Variants in ALX1 observed in about 807,000 individuals in gnomAD.
ALX1 encodes ALX homeobox 1, also known as ALX homeobox protein 1.
ALX1 carries 19 observed loss-of-function variants against 31.7 expected under a neutral mutation model. The observed-to-expected ratio is 0.60, with a 90% CI of 0.42 to 0.88. The LOEUF is 0.88. Among genes scored for constraint, ALX1 ranks in the 40% least tolerant of loss-of-function variants. ALX1 has a pLI of 0.00. For synonymous variants in ALX1, 153 were observed against 148.8 expected (o/e 1.03, Z -0.20); for missense variants, 415 against 407.8 (o/e 1.02, Z -0.15).
Position 85,280,486 on chromosome 12 carries a change from C to G in ALX1, c.225C>G (p.Ser75Arg), listed in dbSNP as rs778019022. 1 of 1,610,166 alleles carries G rather than the reference C, an allele frequency of 6.2e-7. No homozygotes were observed. The highest frequency in any genetic ancestry group is 1.3e-5 in the African/African-American group (1 of 74,802). The change falls in exon 1 of 4, where the codon AGC becomes AGG. Residue 75 changes from serine (S) to arginine (R), a missense_variant and splice_region_variant. Physicochemically the swap from Ser to Arg is moderately radical, Grantham distance 110. Around this residue, in one of 3 missense-constraint regions of ALX1, gnomAD observed 235 missense variants for 208.9 expected, o/e 1.13. Coordinates refer to ENST00000316824, the MANE Select transcript of ALX1 (RefSeq NM_006982.3). ...LERTSPCQDSSVNYGITKVEG... is the reference protein window; with the variant it reads ...LERTSPCQDSRVNYGITKVEG... ...GGACCTCGCCCTGTCAGGACAGCAG[C>G]GGTGAGTCGCTAGCGCCCCAGCCGG...
intron 3 of ALX1, among the ~76,000 whole-genome samples, chr12:85,290,106 A>G (rs1280098839): frequency 1.3e-5 from 2 of 151,266 alleles, no homozygotes; most frequent in African/African-American, 4.8e-5. Context: ...AGTTTAGAAA[A>G]TGATCTCCTC....
chr12:85,301,422 G>T lies in ALX1; in HGVS notation c.928G>T (p.Val310Phe). ...EFERRSSSIA[V>F]LRMKAKEHTA... ...TGAAAGGAGGTCTTCCAGTATCGCA[G>T]TTCTTCGAATGAAAGCCAAGGAGCA... The change falls in exon 4 of 4, where the codon GTT (valine) becomes TTT (phenylalanine). Residue 310 changes from valine to phenylalanine, a missense_variant. By Grantham distance (50) the Val-to-Phe change is conservative. Transcript: ENST00000316824. 1.2e-6 allele frequency: 2 copies of T among 1,614,080 alleles called. No homozygotes were observed.
At chr12:85,297,075 A>G (rs1263547983) in intron 3 of ALX1, among the ~76,000 whole-genome samples, 1 of 151,708 alleles carries the variant, frequency 6.6e-6, no homozygotes, top group Non-Finnish European at 1.5e-5. Context: ...TTTAAAAATT[A>G]CTGCCTATAT....
At chr12:85,300,321 C>T (rs1167029481) in intron 3 of ALX1, among the ~76,000 whole-genome samples, 1 of 151,826 alleles carries the variant, frequency 6.6e-6, no homozygotes, top group Non-Finnish European at 1.5e-5. Context: ...GTGTGAATAT[C>T]TCGGGTGTGA....
chr12:85,280,921 C>T (rs1250200316), intron 1 of ALX1, among the ~76,000 whole-genome samples: 7 of 146,394 alleles, frequency 4.8e-5, no homozygotes, highest in Non-Finnish European at 8.9e-5. Flanking sequence ...ACTGTCGTCA[C>T]GAGTAGGGAA....
At chr12:85,286,782 T>C (rs1896753995) in intron 2 of ALX1, 71 bp from the exon 3 acceptor site, 6 of 1,342,100 alleles carry the variant, frequency 4.5e-6, no homozygotes, top group Admixed American at 2.3e-5. Context: ...TCTTGTTTGA[T>C]GTCTTTTAAC....
intron 2 of ALX1, among the ~76,000 whole-genome samples, chr12:85,284,537 A>T (rs1373672927): frequency 6.6e-6 from 1 of 152,150 alleles, no homozygotes; most frequent in East Asian, 1.9e-4. Flanking sequence ...CAATAAAAAT[A>T]ATGGCTTTAA....
chr12:85,300,772 G>T (rs1217274365), intron 3 of ALX1, among the ~76,000 whole-genome samples: 2 of 151,906 alleles, frequency 1.3e-5, no homozygotes, highest in Non-Finnish European at 2.9e-5. Flanking sequence ...GTGTCATTTT[G>T]TTTAGAAAGA....
chr12:85,293,301 A>C (rs1896843662), intron 3 of ALX1, among the ~76,000 whole-genome samples: 1 of 150,124 alleles, frequency 6.7e-6, no homozygotes, highest in African/African-American at 2.4e-5. Context: ...GCATGAGACA[A>C]TTTTTGTCAG....
chr12:85,281,481 A>G (rs372582944), intron 1 of ALX1, among the ~76,000 whole-genome samples: 5 of 152,194 alleles, frequency 3.3e-5, no homozygotes, highest in African/African-American at 1.2e-4. Context: ...ATTAAGTGTG[A>G]AATATTTACA....
rs183710872 is a variant in ALX1, at chr12:85,298,137, A to G, written c.661-3018A>G. 2.8e-3 allele frequency among the ~76,000 whole-genome samples: 422 copies of G among 151,768 alleles called. 3 individuals are homozygous for G. Among genetic ancestry groups the G allele is most frequent in the Non-Finnish European group, 2.7e-3 (180 of 67,736 alleles). On this transcript the variant is annotated intron_variant, in intron 3 of 3. Coordinates refer to ENST00000316824, the MANE Select transcript of ALX1 (RefSeq NM_006982.3). ...CAAAGTAGGGATAATGAGTAAATAA[A>G]TAATTTCAACTCATAAAACTAGTCA...
At chr12:85,284,513 G>T (rs1328433571) in intron 2 of ALX1, among the ~76,000 whole-genome samples, 2 of 151,998 alleles carry the variant, frequency 1.3e-5, no homozygotes, top group Non-Finnish European at 2.9e-5. Context: ...TAAATCATAT[G>T]AATTTTGCAT....
At chr12:85,287,698 A>G (rs2137381289) in intron 3 of ALX1, among the ~76,000 whole-genome samples, 1 of 151,470 alleles carries the variant, frequency 6.6e-6, no homozygotes, top group South Asian at 2.1e-4. Flanking sequence ...TTTGTAATGA[A>G]TGTAAATGTT....
intron 3 of ALX1, among the ~76,000 whole-genome samples, chr12:85,291,664 G>C (rs1362090454): frequency 4.0e-5 from 6 of 150,972 alleles, no homozygotes; most frequent in Non-Finnish European, 8.9e-5. Flanking sequence ...ACTTTGACTT[G>C]ATCTTCAGAT....
chr12:85,287,442 T>C (rs922722379), intron 3 of ALX1, among the ~76,000 whole-genome samples: 26 of 150,070 alleles, frequency 1.7e-4, no homozygotes, highest in African/African-American at 5.4e-4. Context: ...AAAATGTGTC[T>C]CTTTTTCTAT....
intron 3 of ALX1, among the ~76,000 whole-genome samples, chr12:85,289,822 CAAG>C (rs2137383829): frequency 6.6e-6 from 1 of 151,044 alleles, no homozygotes; most frequent in East Asian, 1.9e-4. Flanking sequence ...ATAATTGGGC[CAAG>C]ATCATGTCTC....
chr12:85,287,013 A>T (rs1396246167), intron 3 of ALX1, 32 bp downstream of exon 3: 1 of 1,609,520 alleles, frequency 6.2e-7, no homozygotes, highest in Non-Finnish European at 8.5e-7. Context: ...ACTGATCAAG[A>T]AAAGGATATT....
chr12:85,301,423 T>A lies in ALX1; in HGVS notation c.929T>A (p.Val310Asp). Residue 310 changes from valine (V) to aspartate (D), a missense_variant, in exon 4 of 4, where the codon GTT (valine) becomes GAT (aspartate). Physicochemically the swap from Val to Asp is radical, Grantham distance 152 (BLOSUM62 -3). Transcript: ENST00000316824. ...EFERRSSSIA[V>D]LRMKAKEHTA... ...GAAAGGAGGTCTTCCAGTATCGCAGTTCTTCGAATGAAAGCCAAGGAGCAC... is the reference window on the plus strand; with the variant it reads ...GAAAGGAGGTCTTCCAGTATCGCAGATCTTCGAATGAAAGCCAAGGAGCAC... 1 of 1,614,094 alleles carries A rather than the reference T, an allele frequency of 6.2e-7. No individual in the cohort carries two copies. The highest frequency in any genetic ancestry group is 2.2e-5 in the East Asian group (1 of 44,878).
intron 3 of ALX1, among the ~76,000 whole-genome samples, chr12:85,299,004 T>G (rs886584222): frequency 2.0e-5 from 3 of 151,742 alleles, no homozygotes; most frequent in Admixed American, 1.3e-4. Flanking sequence ...ATCTAGTTGG[T>G]GAACATATTT....
Sources: allele counts gnomAD v4.1 joint callset (sites outside exome capture counted in the v4.1 genomes callset), GRCh38; gene constraint gnomAD v4.1.1; regional missense constraint gnomAD v4.1.1; transcripts MANE v1.5; gene names NCBI Gene and HGNC (gene_info 2026-07-23, HGNC 2026-07-21).